The following GRIK4 variants were observed in gnomAD, a reference collection of about 807,000 sequenced individuals.
GRIK4 encodes the protein glutamate receptor ionotropic, kainate 4.
In GRIK4, 40 loss-of-function variants were observed where a neutral mutation model predicts 104.9. That is an observed-to-expected ratio of 0.38 (90% CI 0.30 to 0.50). The LOEUF is 0.50. GRIK4 is among the 20% of genes least tolerant of loss of function. GRIK4 has a pLI of 0.93. For missense variants in GRIK4, 1,047 were observed against 1,308.1 expected (o/e 0.80, Z 3.08); for synonymous variants, 485 against 524.9 (o/e 0.92, Z 1.04).
At chr11:120,800,674 C>A (rs1484362578) in intron 3 of GRIK4, among the ~76,000 whole-genome samples, 3 of 152,158 alleles carry the variant, frequency 2.0e-5, no homozygotes, top group African/African-American at 7.2e-5. Flanking sequence ...TTTTATTATT[C>A]AATGAAGTTA....
intron 3 of GRIK4, among the ~76,000 whole-genome samples, chr11:120,765,996 T>C (rs1232514892): frequency 6.6e-6 from 1 of 152,234 alleles, no homozygotes; most frequent in Non-Finnish European, 1.5e-5. Flanking sequence ...GGAGATCCAC[T>C]GCTCTCTTCA....
intron 3 of GRIK4, among the ~76,000 whole-genome samples, chr11:120,762,141 TGAA>T (rs2135442210): frequency 6.6e-6 from 1 of 152,308 alleles, no homozygotes; most frequent in South Asian, 2.1e-4. Flanking sequence ...TAGTTCTCCT[TGAA>T]GAGGTCCTTC....
chr11:120,884,712 C>G lies in GRIK4; in HGVS notation c.1164+9469C>G, dbSNP rs553730488. Among the ~76,000 whole-genome samples, 44 of 152,380 alleles carry G rather than the reference C, an allele frequency of 2.9e-4. No individual in the cohort carries two copies. In the South Asian group the frequency reaches 8.9e-3, roughly 31 times the overall value. Reference sequence around the variant, plus strand: ...ATGAGAATCCCAGCACCCCAAAGGCCTGCCCGACAGAGCGCTGCTCAGACA... The same window carrying G: ...ATGAGAATCCCAGCACCCCAAAGGCGTGCCCGACAGAGCGCTGCTCAGACA... On this transcript the variant is annotated intron_variant, in intron 11 of 20. Coordinates refer to ENST00000527524, the MANE Select transcript of GRIK4 (RefSeq NM_014619.5).
intron 1 of GRIK4, among the ~76,000 whole-genome samples, chr11:120,525,684 TCTC>T (rs1947847847): frequency 6.6e-6 from 1 of 152,100 alleles, no homozygotes; most frequent in African/African-American, 2.4e-5. Flanking sequence ...AGCTGATGGT[TCTC>T]CTCTGAGCAA....
chr11:120,978,200 C>T (rs1156757629), intron 19 of GRIK4, among the ~76,000 whole-genome samples: 1 of 152,120 alleles, frequency 6.6e-6, no homozygotes, highest in Non-Finnish European at 1.5e-5. Flanking sequence ...TGGTTCTTCC[C>T]CTCAAAGAGC....
chr11:120,851,254 C>G (rs1378987965), intron 8 of GRIK4, among the ~76,000 whole-genome samples: 4 of 152,290 alleles, frequency 2.6e-5, no homozygotes, highest in Non-Finnish European at 1.5e-5. Flanking sequence ...ACTGCACCCC[C>G]CAGCCATACT....
chr11:120,792,364 G>T, intron 3 of GRIK4, among the ~76,000 whole-genome samples: 1 of 151,530 alleles, frequency 6.6e-6, no homozygotes, highest in East Asian at 1.9e-4. Context: ...CAGATCTTGT[G>T]TGCCGTGCTG....
chr11:120,801,876 G>A (rs1952627480), intron 3 of GRIK4, among the ~76,000 whole-genome samples: 1 of 152,138 alleles, frequency 6.6e-6, no homozygotes, highest in East Asian at 1.9e-4. Flanking sequence ...CCTTAAAAGC[G>A]AGGCAACTGA....
At chr11:120,928,102 C>T (rs1316958410) in intron 13 of GRIK4, among the ~76,000 whole-genome samples, 1 of 151,334 alleles carries the variant, frequency 6.6e-6, no homozygotes, top group Non-Finnish European at 1.5e-5. Flanking sequence ...GTAATCCCAG[C>T]TACTCGGGAG....
At chr11:120,808,796 A>T (rs1165153313) in intron 4 of GRIK4, among the ~76,000 whole-genome samples, 1 of 152,196 alleles carries the variant, frequency 6.6e-6, no homozygotes, top group African/African-American at 2.4e-5. Context: ...ACAGGCTCAG[A>T]GGGAGACTGC....
chr11:120,719,044 C>T (rs1050740204), intron 3 of GRIK4, among the ~76,000 whole-genome samples: 2 of 152,036 alleles, frequency 1.3e-5, no homozygotes, highest in Admixed American at 6.5e-5. Flanking sequence ...TTTTTAGATA[C>T]ACATTTACTC....
At chr11:120,534,125 C>T (rs555582572) in intron 1 of GRIK4, among the ~76,000 whole-genome samples, 3 of 151,890 alleles carry the variant, frequency 2.0e-5, no homozygotes, top group East Asian at 1.9e-4. Flanking sequence ...CCCAGAAGCA[C>T]AAAGGAGGTA....
chr11:120,580,842 C>T (rs1012744350), intron 1 of GRIK4, among the ~76,000 whole-genome samples: 2 of 152,198 alleles, frequency 1.3e-5, no homozygotes, highest in African/African-American at 4.8e-5. Flanking sequence ...AAGCTGCCAA[C>T]CTGATCTCTG....
chr11:120,802,448 C>T (rs986012653), intron 3 of GRIK4, among the ~76,000 whole-genome samples: 5 of 152,170 alleles, frequency 3.3e-5, no homozygotes, highest in Non-Finnish European at 7.3e-5. Context: ...GTGGCCTGCT[C>T]TGGTATTACA....
At chr11:120,877,114 C>T (rs1480576112) in intron 11 of GRIK4, among the ~76,000 whole-genome samples, 1 of 152,226 alleles carries the variant, frequency 6.6e-6, no homozygotes, top group Non-Finnish European at 1.5e-5. Flanking sequence ...TGCTGACTCT[C>T]AGAAAGGCCT....
At chr11:120,983,070 C>A (rs1334978125) in intron 20 of GRIK4, among the ~76,000 whole-genome samples, 1 of 152,126 alleles carries the variant, frequency 6.6e-6, no homozygotes, top group Non-Finnish European at 1.5e-5. Context: ...AATTAAAACC[C>A]CCACTAAACA....
rs772775068 is a variant in GRIK4 at position 120,898,593 on chromosome 11, T to A, written c.1226T>A (p.Ile409Asn). Reference sequence around the variant, plus strand: ...GACAGCCACCTCTATGCCTCCAACATCTCGGACACTCTCTTCAACACCACC... The same window carrying A: ...GACAGCCACCTCTATGCCTCCAACAACTCGGACACTCTCTTCAACACCACC... ...SMDSHLYASN[I>N]SDTLFNTTLV... The change falls in exon 12 of 21, where the codon ATC becomes AAC. Residue 409 changes from isoleucine (I) to asparagine (N), a missense_variant. Around this residue, in one of 3 missense-constraint regions of GRIK4, gnomAD observed 440 missense variants for 652.3 expected, o/e 0.67. Coordinates refer to ENST00000527524, the MANE Select transcript of GRIK4 (RefSeq NM_014619.5). 3.7e-6 allele frequency: 6 copies of A among 1,612,680 alleles called. No homozygotes were observed. The highest frequency in any genetic ancestry group is 5.1e-6 in the Non-Finnish European group (6 of 1,178,778).
At chr11:120,930,659 T>G (rs1199121229) in intron 13 of GRIK4, among the ~76,000 whole-genome samples, 1 of 152,220 alleles carries the variant, frequency 6.6e-6, no homozygotes, top group Non-Finnish European at 1.5e-5. Context: ...CCTGAGAAGA[T>G]GATCAGAGAA....
At chr11:120,773,432 A>G (rs1190464571) in intron 3 of GRIK4, among the ~76,000 whole-genome samples, 2 of 152,236 alleles carry the variant, frequency 1.3e-5, no homozygotes, top group African/African-American at 4.8e-5. Flanking sequence ...TTGAGAAGCT[A>G]GCTGAGCAAG....
Sources: allele counts gnomAD v4.1 joint callset (sites outside exome capture counted in the v4.1 genomes callset), GRCh38; gene constraint gnomAD v4.1.1; regional missense constraint gnomAD v4.1.1; transcripts MANE v1.5; gene names NCBI Gene and HGNC (gene_info 2026-07-23, HGNC 2026-07-21).